TAFA2: variants seen among roughly 807,000 people sequenced by gnomAD.
The protein encoded by TAFA2 is chemokine-like protein TAFA-2.
In TAFA2, 7 loss-of-function variants were observed where a neutral mutation model predicts 18.8. That is an observed-to-expected ratio of 0.37 (90% CI 0.21 to 0.70). TAFA2 has a LOEUF of 0.70. TAFA2 is among the 30% of genes least tolerant of loss of function. The pLI, the probability that TAFA2 is intolerant of heterozygous loss-of-function variation, is 0.53. For synonymous variants in TAFA2, 60 were observed against 54.2 expected, an observed-to-expected ratio of 1.11 and a Z score of -0.47; for missense variants, 122 against 158.1, an observed-to-expected ratio of 0.77 and a Z score of 1.23.
chr12:62,228,543 C>A (rs976121747), intron 1 of TAFA2, among the ~76,000 whole-genome samples: 1 of 152,200 alleles, frequency 6.6e-6, no homozygotes, highest in Non-Finnish European at 1.5e-5. Flanking sequence ...ACCTCACCAA[C>A]ATCTGTTATT....
chr12:61,960,099 T>C (rs1477411992), intron 1 of TAFA2, among the ~76,000 whole-genome samples: 2 of 152,244 alleles, frequency 1.3e-5, no homozygotes, highest in South Asian at 2.1e-4. Flanking sequence ...TTTGATTTAA[T>C]TTTTAAGATT....
chr12:61,874,916 G>A (rs1258494588), intron 1 of TAFA2, among the ~76,000 whole-genome samples: 1 of 151,714 alleles, frequency 6.6e-6, no homozygotes, highest in East Asian at 1.9e-4. Flanking sequence ...GAACAGGAAT[G>A]CCATTAGAGT....
intron 1 of TAFA2, among the ~76,000 whole-genome samples, chr12:62,100,180 A>G (rs767549855): frequency 1.4e-5 from 2 of 147,854 alleles, no homozygotes; most frequent in Non-Finnish European, 3.0e-5. Flanking sequence ...CAGCCCTTCA[A>G]GTTTGTTCTT....
chr12:62,115,763 A>T (rs1869936212), intron 1 of TAFA2, among the ~76,000 whole-genome samples: 1 of 152,184 alleles, frequency 6.6e-6, no homozygotes, highest in South Asian at 2.1e-4. Context: ...ATTTATCTGC[A>T]GTGGTATCCA....
intron 1 of TAFA2, among the ~76,000 whole-genome samples, chr12:61,897,014 C>T (rs11174226): frequency 0.15 from 23,331 of 152,024 alleles, 2,159 homozygotes; most frequent in Middle Eastern, 0.24. Flanking sequence ...ATTACTTTTC[C>T]ATATTATTTG....
chr12:61,768,344 C>T (rs886183302), intron 2 of TAFA2, among the ~76,000 whole-genome samples: 1 of 152,128 alleles, frequency 6.6e-6, no homozygotes, highest in Non-Finnish European at 1.5e-5. Context: ...GACTAGGCAG[C>T]TCCCACTCGG....
intron 2 of TAFA2, among the ~76,000 whole-genome samples, chr12:61,764,291 T>C (rs1258143643): frequency 3.4e-5 from 5 of 148,542 alleles, no homozygotes; most frequent in Non-Finnish European, 7.5e-5. Context: ...AAAGAAAATT[T>C]TCTGATTAAT....
chr12:61,769,261 C>A (rs972754795), intron 2 of TAFA2, among the ~76,000 whole-genome samples: 1 of 151,958 alleles, frequency 6.6e-6, no homozygotes, highest in Admixed American at 6.6e-5. Flanking sequence ...TCTACCCACC[C>A]CGGTAGTCAA....
chr12:62,187,510 T>C (rs1028533189), intron 1 of TAFA2, among the ~76,000 whole-genome samples: 4 of 152,212 alleles, frequency 2.6e-5, no homozygotes, highest in Non-Finnish European at 5.9e-5. Flanking sequence ...TGTATGTATG[T>C]ATGCATGTGC....
intron 1 of TAFA2, among the ~76,000 whole-genome samples, chr12:61,932,912 A>G (rs1000871964): frequency 3.9e-4 from 60 of 152,276 alleles, no homozygotes; most frequent in African/African-American, 1.3e-3. Flanking sequence ...ATTATTCTGC[A>G]TGGTAGACTC....
At chr12:62,045,976 T>C (rs1452878079) in intron 1 of TAFA2, among the ~76,000 whole-genome samples, 2 of 152,030 alleles carry the variant, frequency 1.3e-5, no homozygotes, top group Admixed American at 6.6e-5. Context: ...ATGAGAACTG[T>C]GATCCAAAAG....
chr12:62,172,009 T>C lies in TAFA2; in HGVS notation c.-2+19250A>G, dbSNP rs1225597861. On this transcript the variant is annotated intron_variant, in intron 1 of 4. Transcript: ENST00000416284. Reference sequence around the variant, plus strand: ...TGGAGGATTAGGAAAATGGTCAGAGTGTATCTGTATTGTCTCTTATAAATG... The same window carrying C: ...TGGAGGATTAGGAAAATGGTCAGAGCGTATCTGTATTGTCTCTTATAAATG... Among the ~76,000 whole-genome samples, 3 of 152,156 alleles carry C rather than the reference T, an allele frequency of 2.0e-5. No homozygotes were observed. The East Asian group carries it at 5.8e-4, about 29-fold the overall frequency.
Position 61,847,145 on chromosome 12 carries a change from C to T in TAFA2, c.106+20175G>A, listed in dbSNP as rs75178680. 6.5e-3 allele frequency among the ~76,000 whole-genome samples: 995 copies of T among 152,248 alleles called. 6 individuals are homozygous for T. The highest frequency in any genetic ancestry group is 0.023 in the African/African-American group (936 of 41,568). ...CTAGTAATTTTACTTTTTTGTTCAACGTTAAGAAGAACTTTTCTGTATTAT... is the reference window on the plus strand; with the variant it reads ...CTAGTAATTTTACTTTTTTGTTCAATGTTAAGAAGAACTTTTCTGTATTAT... On this transcript the variant is annotated intron_variant, in intron 2 of 4. Transcript: ENST00000416284.
At chr12:61,998,872 C>T (rs1195151179) in intron 1 of TAFA2, among the ~76,000 whole-genome samples, 1 of 152,206 alleles carries the variant, frequency 6.6e-6, no homozygotes, top group Non-Finnish European at 1.5e-5. Flanking sequence ...ACATCTGATC[C>T]TGCCAAACAG....
chr12:62,220,255 A>C (rs1387835749), intron 1 of TAFA2, among the ~76,000 whole-genome samples: 2 of 152,118 alleles, frequency 1.3e-5, no homozygotes, highest in Non-Finnish European at 1.5e-5. Flanking sequence ...ACACCCACTT[A>C]CTAAAAAGGA....
At chr12:62,231,629 T>G (rs1337502142) in intron 1 of TAFA2, among the ~76,000 whole-genome samples, 2 of 152,214 alleles carry the variant, frequency 1.3e-5, no homozygotes, top group Non-Finnish European at 2.9e-5. Flanking sequence ...TTTGTTTTTT[T>G]TAACAAAATT....
At position 62,233,066 on chromosome 12, in the gene TAFA2, C is replaced by CTTTTTTTT. The variant is rs34781688; in HGVS notation, c.-130+25689_-130+25696dup. 8.2e-3 allele frequency among the ~76,000 whole-genome samples: 326 copies of CTTTTTTTT among 39,584 alleles called. 88 individuals carry two copies. Among genetic ancestry groups the CTTTTTTTT allele is most frequent in the African/African-American group, 0.011 (116 of 10,598 alleles). 26.0% of individuals were successfully genotyped at this position (39,584 alleles called of 152,430 possible). A position where few individuals can be genotyped will look rare whatever the true frequency, so the allele number is the denominator to read the frequency against. On this transcript the variant is annotated intron_variant, in intron 1 of 5. Coordinates refer to the TAFA2 transcript ENST00000551619. ...TGTCCTCCCAGCAATTTCTGCATCT[C>CTTTTTTTT]TTTTTTTTTTTTTTTTTTTTTTTTT...
chr12:62,180,543 G>T (rs2062545252), intron 1 of TAFA2, among the ~76,000 whole-genome samples: 2 of 152,040 alleles, frequency 1.3e-5, no homozygotes, highest in South Asian at 4.1e-4. Context: ...CTAATAAACT[G>T]AACTTTTTCA....
intron 2 of TAFA2, among the ~76,000 whole-genome samples, chr12:61,847,992 G>T (rs574562015): frequency 9.9e-5 from 15 of 152,008 alleles, no homozygotes; most frequent in Non-Finnish European, 1.8e-4. Context: ...TCTGTATAAC[G>T]CCAATCCAGT....
Sources: allele counts gnomAD v4.1 joint callset (sites outside exome capture counted in the v4.1 genomes callset), GRCh38; gene constraint gnomAD v4.1.1; transcripts MANE v1.5; gene names NCBI Gene and HGNC (gene_info 2026-07-23, HGNC 2026-07-21).